SOX5: variants seen among roughly 807,000 people sequenced by gnomAD.
SOX5 encodes the protein transcription factor SOX-5.
In SOX5, 9 loss-of-function variants were observed where a neutral mutation model predicts 92.0. The observed-to-expected ratio is 0.10, with a 90% CI of 0.06 to 0.17. SOX5 has a LOEUF of 0.17. Among genes scored for constraint, SOX5 ranks in the 10% least tolerant of loss-of-function variants. The probability of loss-of-function intolerance (pLI) is 1.00; values close to 1 mark genes in which losing one functional copy is unlikely to be tolerated. For synonymous variants in SOX5, 344 were observed against 336.3 expected (o/e 1.02, Z -0.25); for missense variants, 642 against 944.5 (o/e 0.68, Z 4.20).
intron 2 of SOX5, among the ~76,000 whole-genome samples, chr12:24,282,755 G>A (rs1336873778): frequency 6.6e-6 from 1 of 152,178 alleles, no homozygotes; most frequent in Non-Finnish European, 1.5e-5. Flanking sequence ...GAGGCGCAGG[G>A]AGGTTAAGTT....
At chr12:24,334,459 C>T (rs925524223) in intron 2 of SOX5, among the ~76,000 whole-genome samples, 2 of 152,064 alleles carry the variant, frequency 1.3e-5, no homozygotes, top group Admixed American at 1.3e-4. Context: ...TTTAGCTTCA[C>T]TAAAAATCAA....
At position 24,058,560 on chromosome 12, in the gene SOX5, A is replaced by C. The variant is rs574840946; in HGVS notation, c.-2+154783T>G. On this transcript the variant is annotated intron_variant, in intron 4 of 4. Coordinates refer to the SOX5 transcript ENST00000446891. The stretch of plus-strand genomic sequence containing the variant: ...TGCTGGTAAGTTAGCTGAGAACTTC[A>C]AAATGCTAGCAGCACTTTCTTGTTT... 3.3e-5 allele frequency among the ~76,000 whole-genome samples: 5 copies of C among 152,344 alleles called. No individual in the cohort carries two copies. The South Asian group carries it at 1.0e-3, about 32-fold the overall frequency.
chr12:23,659,748 C>T (rs1343965074), intron 7 of SOX5, among the ~76,000 whole-genome samples: 3 of 152,070 alleles, frequency 2.0e-5, no homozygotes, highest in East Asian at 3.9e-4. Flanking sequence ...GGGTGGATCA[C>T]GTGAGGGCAG....
chr12:23,957,699 ATGAC>A (rs1034764583), intron 4 of SOX5, among the ~76,000 whole-genome samples: 2 of 152,178 alleles, frequency 1.3e-5, no homozygotes, highest in African/African-American at 4.8e-5. Flanking sequence ...TGTTAATAAA[ATGAC>A]TGACTGCCAC....
chr12:23,893,006 A>G (rs989093309), intron 2 of SOX5, among the ~76,000 whole-genome samples: 8 of 152,228 alleles, frequency 5.3e-5, no homozygotes, highest in African/African-American at 1.4e-4. Context: ...CTCTAAAAAA[A>G]TTAAAGAGAA....
Position 23,808,268 on chromosome 12 carries a change from C to T in SOX5, c.481+37715G>A, listed in dbSNP as rs143878511. Among the ~76,000 whole-genome samples the T allele has an allele frequency of 2.0e-3, 303 of 152,160 alleles. 1 individual carries two copies. Among genetic ancestry groups the T allele is most frequent in the Admixed American group, 2.9e-3 (45 of 15,278 alleles). On this transcript the variant is annotated intron_variant, in intron 3 of 14. Coordinates refer to ENST00000451604, the MANE Select transcript of SOX5 (RefSeq NM_006940.6). ...TACCACCTTTTCAATGACTTTCCCA[C>T]GATCCTTTGTAATGTCCCTTCCCAC... is the stretch of plus-strand genomic sequence containing the variant.
At chr12:23,947,924 C>T (rs537137197) in intron 1 of SOX5, among the ~76,000 whole-genome samples, 53 of 152,070 alleles carry the variant, frequency 3.5e-4, no homozygotes, top group African/African-American at 1.3e-3. Context: ...ACAAATCAGC[C>T]TCAGAGTTGT....
intron 9 of SOX5, among the ~76,000 whole-genome samples, chr12:23,598,393 T>G (rs905465543): frequency 0.021 from 1,480 of 71,802 alleles, 18 homozygotes; most frequent in Non-Finnish European, 0.035. Flanking sequence ...TTATCTTTTT[T>G]TTTTTTTTTT....
At chr12:24,267,597 T>C (rs996093698) in intron 3 of SOX5, among the ~76,000 whole-genome samples, 3 of 152,168 alleles carry the variant, frequency 2.0e-5, no homozygotes, top group Non-Finnish European at 4.4e-5. Flanking sequence ...ACTCTAACTT[T>C]GCAGAAAGTA....
intron 4 of SOX5, among the ~76,000 whole-genome samples, chr12:24,090,392 T>G (rs1033408632): frequency 6.6e-6 from 1 of 152,006 alleles, no homozygotes; most frequent in African/African-American, 2.4e-5. Flanking sequence ...AATTATAAAG[T>G]GCTCTTTCTT....
intron 10 of SOX5, among the ~76,000 whole-genome samples, chr12:23,571,900 G>T (rs1323563230): frequency 2.0e-5 from 3 of 151,952 alleles, no homozygotes; most frequent in African/African-American, 7.3e-5. Flanking sequence ...TAGAACAGCT[G>T]CAGTGAGAAA....
At chr12:23,830,796 C>T (rs144901059) in intron 3 of SOX5, among the ~76,000 whole-genome samples, 1 of 152,230 alleles carries the variant, frequency 6.6e-6, no homozygotes, top group East Asian at 1.9e-4. Flanking sequence ...AAATCTGAAG[C>T]TCTAGTTTAA....
At chr12:24,037,219 A>T (rs988180412) in intron 4 of SOX5, among the ~76,000 whole-genome samples, 7 of 152,156 alleles carry the variant, frequency 4.6e-5, no homozygotes, top group Non-Finnish European at 8.8e-5. Flanking sequence ...TCTTAAGATA[A>T]TTCAAATGAA....
intron 1 of SOX5, among the ~76,000 whole-genome samples, chr12:24,498,295 TAAGA>T (rs1357293731): frequency 1.3e-5 from 2 of 151,990 alleles, no homozygotes; most frequent in Non-Finnish European, 2.9e-5. Context: ...AAACAAAAGC[TAAGA>T]AAGATTAAGT....
intron 3 of SOX5, among the ~76,000 whole-genome samples, chr12:23,759,691 C>T (rs1282918097): frequency 2.0e-5 from 3 of 151,962 alleles, no homozygotes; most frequent in Non-Finnish European, 2.9e-5. Flanking sequence ...ATGGCAGAAG[C>T]CCAATATTTA....
At chr12:24,010,531 C>T (rs1223367392) in intron 4 of SOX5, among the ~76,000 whole-genome samples, 1 of 152,196 alleles carries the variant, frequency 6.6e-6, no homozygotes, top group Non-Finnish European at 1.5e-5. Context: ...ACCAAAGGAA[C>T]ACAATCATAA....
rs113418434 is a variant in SOX5, at chr12:23,965,323, C to T, written c.-1-69299G>A. 1.7e-4 allele frequency among the ~76,000 whole-genome samples: 26 copies of T among 152,252 alleles called. No individual in the cohort carries two copies. In the South Asian group the frequency reaches 3.7e-3, roughly 22 times the overall value. The stretch of plus-strand genomic sequence containing the variant: ...TGGGTGGCCTGCACTACGTTTGAGG[C>T]GAAGGCTTACCTTCCTATCAGCTTG... On this transcript the variant is annotated intron_variant, in intron 4 of 4. Coordinates refer to the SOX5 transcript ENST00000446891.
intron 1 of SOX5, among the ~76,000 whole-genome samples, chr12:24,526,286 T>C (rs1950703791): frequency 6.6e-6 from 1 of 151,854 alleles, no homozygotes; most frequent in Admixed American, 6.7e-5. Flanking sequence ...AAATAACAAG[T>C]TAGCAGGTTG....
rs181006335 is a variant in SOX5, at chr12:23,822,072, C to A, written c.481+23911G>T. Among the ~76,000 whole-genome samples the A allele has an allele frequency of 2.2e-3, 337 of 152,164 alleles. 2 individuals carry two copies. The highest frequency in any genetic ancestry group is 7.9e-3 in the African/African-American group (327 of 41,508). ...TATTTTGTTAATCTTTTCAAAAAAC[C>A]AGCTCCTAGATTCATTGATTTTTTG... On this transcript the variant is annotated intron_variant, in intron 3 of 14. Coordinates refer to ENST00000451604, the MANE Select transcript of SOX5 (RefSeq NM_006940.6).
Sources: allele counts gnomAD v4.1 joint callset (sites outside exome capture counted in the v4.1 genomes callset), GRCh38; gene constraint gnomAD v4.1.1; transcripts MANE v1.5; gene names NCBI Gene and HGNC (gene_info 2026-07-23, HGNC 2026-07-21).